The following USP24 variants were observed in gnomAD, a reference collection of about 807,000 sequenced individuals.
USP24 encodes the protein ubiquitin specific peptidase 24.
USP24 carries 97 observed loss-of-function variants against 361.6 expected under a neutral mutation model. The observed-to-expected ratio is 0.27, with a 90% CI of 0.23 to 0.32. The LOEUF (loss-of-function observed/expected upper bound fraction) is 0.32, where lower values mean the gene tolerates loss of function less well. USP24 is among the 10% of genes least tolerant of loss of function. USP24 has a pLI of 1.00. For missense variants in USP24, 2,353 were observed against 3,165.6 expected (o/e 0.74, Z 6.16); for synonymous variants, 1,098 against 1,124.6 (o/e 0.98, Z 0.47).
Position 55,214,942 on chromosome 1 carries a change from T to C in USP24, c.172A>G (p.Ser58Gly). 1 of 1,387,330 alleles carries C rather than the reference T, an allele frequency of 7.2e-7. No homozygotes were observed. Among genetic ancestry groups the C allele is most frequent in the Non-Finnish European group, 9.4e-7 (1 of 1,061,706 alleles). The allele number at this position is 1,387,330 out of a possible 1,614,324, so 85.9% of individuals were successfully genotyped here. A position where few individuals can be genotyped will look rare whatever the true frequency, so the allele number is the denominator to read the frequency against. Residue 58 changes from serine to glycine, a missense_variant, in exon 1 of 68, where the codon AGC becomes GGC. Physicochemically the swap from Ser to Gly is moderately conservative, Grantham distance 56 (BLOSUM62 0). Around this residue, in one of 8 missense-constraint regions of USP24, gnomAD observed 253 missense variants for 255.3 expected, o/e 0.99. Coordinates refer to ENST00000294383, the MANE Select transcript of USP24 (RefSeq NM_015306.3). ...GGCCCGGGGCTGGGGCCACCGCCGC[T>C]GTCCATGGGCTCGTAGCCGCCGTAG... ...LDYGGYEPMD[S>G]GGGPSPGPGG...
intron 20 of USP24, among the ~76,000 whole-genome samples, chr1:55,145,355 A>G (rs1647000589): frequency 6.6e-6 from 1 of 152,246 alleles, no homozygotes; most frequent in South Asian, 2.1e-4. Flanking sequence ...GATACATGCT[A>G]CAACCTGGGC....
intron 3 of USP24, among the ~76,000 whole-genome samples, chr1:55,174,989 C>T (rs1649812441): frequency 6.6e-6 from 1 of 152,092 alleles, no homozygotes; most frequent in Admixed American, 6.6e-5. Context: ...TTTTAAACTA[C>T]AAACTGATGG....
At chr1:55,148,898 G>A (rs1647114331) in intron 16 of USP24, among the ~76,000 whole-genome samples, 1 of 152,184 alleles carries the variant, frequency 6.6e-6, no homozygotes, top group African/African-American at 2.4e-5. Context: ...GCTAAGTCAT[G>A]TTGACACAAA....
rs757173462 is a variant in USP24 at position 55,165,930 on chromosome 1, A to C, written c.882T>G (p.Phe294Leu). Residue 294 changes from phenylalanine (F) to leucine (L), a missense_variant, in exon 7 of 68, where the codon TTT (phenylalanine) becomes TTG (leucine). Physicochemically the swap from Phe to Leu is conservative, Grantham distance 22. This residue lies in a region of USP24 where 386 missense variants were observed against 560.5 expected (regional missense o/e 0.69). Transcript: ENST00000294383. Reference protein sequence around the residue: ...LVNKFGELGGFAAIQAKLHSE... With the variant: ...LVNKFGELGGLAAIQAKLHSE... ...AATGGAGCTTGGCTTGGATTGCTGC[A>C]AATCCACCTAATTCTCCAAACTGAG... 2 of 1,608,180 alleles carry C rather than the reference A, an allele frequency of 1.2e-6. No homozygotes were observed. Among genetic ancestry groups the C allele is most frequent in the Non-Finnish European group, 1.7e-6 (2 of 1,176,604 alleles).
chr1:55,131,137 T>A (rs1220360994), intron 31 of USP24, among the ~76,000 whole-genome samples: 1 of 152,112 alleles, frequency 6.6e-6, no homozygotes, highest in Non-Finnish European at 1.5e-5. Flanking sequence ...AAATGACAGA[T>A]CTGGCAGGAA....
rs1644951141 is a variant in USP24 at position 55,214,923 on chromosome 1, G to A, written c.191C>T (p.Pro64Leu). Residue 64 changes from proline (P) to leucine (L), a missense_variant, in exon 1 of 68, where the codon CCC (proline) becomes CTC (leucine). Pro to Leu is a moderately conservative substitution (Grantham distance 98). Transcript: ENST00000294383. ...GCCCCGCGGGCCCCCGCCGGGCCCG[G>A]GGCTGGGGCCACCGCCGCTGTCCAT... Reference protein sequence around the residue: ...EPMDSGGGPSPGPGGGPRGDG... With the variant: ...EPMDSGGGPSLGPGGGPRGDG... 3.7e-6 allele frequency: 5 copies of A among 1,353,992 alleles called. No homozygotes were observed. Among genetic ancestry groups the A allele is most frequent in the African/African-American group, 1.5e-5 (1 of 66,162 alleles). 83.9% of individuals were successfully genotyped at this position (1,353,992 alleles called of 1,614,324 possible). A position where few individuals can be genotyped will look rare whatever the true frequency, so the allele number is the denominator to read the frequency against.
At chr1:55,150,529 A>G (rs1647164755) in intron 16 of USP24, among the ~76,000 whole-genome samples, 1 of 152,170 alleles carries the variant, frequency 6.6e-6, no homozygotes, top group Admixed American at 6.5e-5. Context: ...ATCCAAACAG[A>G]TACCTTCCCA....
chr1:55,080,454 C>T (rs1645126910), intron 59 of USP24, among the ~76,000 whole-genome samples: 1 of 152,196 alleles, frequency 6.6e-6, no homozygotes, highest in Non-Finnish European at 1.5e-5. Flanking sequence ...GGCTTCTATG[C>T]CACTAACTAG....
Position 55,120,688 on chromosome 1 carries a change from C to T in USP24, c.4416G>A (p.Val1472=). 6.4e-7 allele frequency: 1 copy of T among 1,571,046 alleles called. No homozygotes were observed. The highest frequency in any genetic ancestry group is 8.6e-7 in the Non-Finnish European group (1 of 1,156,910). Residue 1472 remains valine (V), a synonymous_variant, in exon 38 of 68, where the codon GTG becomes GTA. Transcript: ENST00000294383. ...SQTDTSAHPD[V]QKPNQFLLGV... ...CTAGAAGAAACTGATTTGGCTTCTGCACATCTGGATGCGCTGATGTGTCTG... is the reference window on the plus strand; with the variant it reads ...CTAGAAGAAACTGATTTGGCTTCTGTACATCTGGATGCGCTGATGTGTCTG...
chr1:55,162,792 C>T (rs1033331671), intron 7 of USP24, among the ~76,000 whole-genome samples: 4 of 152,114 alleles, frequency 2.6e-5, no homozygotes, highest in Non-Finnish European at 5.9e-5. Flanking sequence ...GAATTTTCTA[C>T]AGCAGAACCT....
At chr1:55,173,523 GT>G (rs1276430026) in intron 3 of USP24, among the ~76,000 whole-genome samples, 1 of 152,144 alleles carries the variant, frequency 6.6e-6, no homozygotes, top group Non-Finnish European at 1.5e-5. Flanking sequence ...TGGTATGGTG[GT>G]TTCATGTTTT....
intron 59 of USP24, among the ~76,000 whole-genome samples, chr1:55,081,038 T>C (rs963794688): frequency 6.6e-6 from 1 of 152,142 alleles, no homozygotes; most frequent in Non-Finnish European, 1.5e-5. Flanking sequence ...CAAATTAAGG[T>C]GATAAATGAG....
rs534564431 is a variant in USP24 at position 55,115,977 on chromosome 1, T to C, written c.4508+4619A>G. Among the ~76,000 whole-genome samples the C allele has an allele frequency of 1.3e-3, 195 of 151,618 alleles. 1 individual carries two copies. The highest frequency in any genetic ancestry group is 4.7e-3 in the African/African-American group (193 of 41,284). On this transcript the variant is annotated intron_variant, in intron 38 of 67. Coordinates refer to ENST00000294383, the MANE Select transcript of USP24 (RefSeq NM_015306.3). The stretch of plus-strand genomic sequence containing the variant: ...GTGGGAGTTGAATAATGAGAACACA[T>C]GGACACAGGGAGGGGAACACCACAC...
At position 55,089,735 on chromosome 1, in the gene USP24, T is replaced by C. The variant is rs1473815568; in HGVS notation, c.6560A>G (p.Asp2187Gly). The C allele has an allele frequency of 1.9e-6, 3 of 1,589,152 alleles. No homozygotes were observed. Among genetic ancestry groups the C allele is most frequent in the Non-Finnish European group, 2.6e-6 (3 of 1,167,160 alleles). The part of the protein sequence containing the change: ...YLRTKKKLRV[D>G]TEEWIATIEA... ...AATGGTAGCAATCCATTCTTCAGTA[T>C]CAACCCTTTAAAAAAAAGCAGATAC... Residue 2187 changes from aspartate to glycine, a missense_variant, in exon 55 of 68, where the codon GAT (aspartate) becomes GGT (glycine). Physicochemically the swap from Asp to Gly is moderately conservative, Grantham distance 94. This residue lies in a region of USP24 where 598 missense variants were observed against 761.9 expected (regional missense o/e 0.78). Transcript: ENST00000294383.
At chr1:55,120,113 A>G (rs1646237088) in intron 38 of USP24, among the ~76,000 whole-genome samples, 1 of 152,118 alleles carries the variant, frequency 6.6e-6, no homozygotes, top group Non-Finnish European at 1.5e-5. Context: ...TCACTTGTTG[A>G]GGTAAGATGG....
intron 16 of USP24, among the ~76,000 whole-genome samples, chr1:55,152,938 T>C: frequency 6.6e-6 from 1 of 152,154 alleles, no homozygotes; most frequent in Admixed American, 6.5e-5. Flanking sequence ...GTATCCAAGA[T>C]CCTTTAAAGA....
At position 55,069,008 on chromosome 1, in the gene USP24, A is replaced by G. The variant is rs1570320652; in HGVS notation, c.*37T>C. 2 of 1,608,754 alleles carry G rather than the reference A, an allele frequency of 1.2e-6. No individual in the cohort carries two copies. The highest frequency in any genetic ancestry group is 3.3e-5 in the Admixed American group (2 of 60,008). ...TCCAAGAAGGTGCTGAGCATCCAGT[A>G]TTGTGTCTTGACTCCTCTCAGGCTG... On this transcript the variant is annotated 3_prime_UTR_variant, in exon 68 of 68. Transcript: ENST00000294383.
intron 15 of USP24, 99 bp from the exon 16 acceptor site, chr1:55,154,016 A>AT: frequency 6.4e-7 from 1 of 1,568,510 alleles, no homozygotes; most frequent in Non-Finnish European, 8.7e-7. Context: ...CAGATATGGC[A>AT]TTTAGTTTAA....
intron 1 of USP24, among the ~76,000 whole-genome samples, chr1:55,201,813 T>C (rs1644583448): frequency 6.6e-6 from 1 of 151,778 alleles, no homozygotes; most frequent in Admixed American, 6.6e-5. Flanking sequence ...TTAGCAAGAG[T>C]GATTAACAGT....
Sources: gnomAD v4.1 joint callset for allele counts (sites outside exome capture counted in the v4.1 genomes callset) on GRCh38, gnomAD v4.1.1 for gene constraint, gnomAD v4.1.1 regional missense constraint, MANE v1.5 for transcripts, NCBI Gene and HGNC (gene_info 2026-07-23, HGNC 2026-07-21) for gene names.